NDUFAF6: variants seen among roughly 807,000 people sequenced by gnomAD.
The protein encoded by NDUFAF6 is NADH:ubiquinone oxidoreductase complex assembly factor 6.
Under a neutral mutation model 40.8 loss-of-function variants are expected in NDUFAF6, and 45 were observed. The observed-to-expected ratio is 1.10, with a 90% CI of 0.87 to 1.42. The LOEUF is 1.42. Ranked by LOEUF, NDUFAF6 falls within the 40% of genes most tolerant of loss-of-function variation. The pLI is 0.00. For missense variants in NDUFAF6, 435 were observed against 418.5 expected (o/e 1.04, Z -0.34); for synonymous variants, 185 against 155.9 (o/e 1.19, Z -1.39).
At chr8:94,958,522 CTTTTTTTTTTTTTTTTTTT>C (rs55703438) in intron 1 of NDUFAF6, among the ~76,000 whole-genome samples, 5 of 71,244 alleles carry the variant, frequency 7.0e-5, no homozygotes, top group South Asian at 5.5e-4. Context: ...TAGTCACATT[CTTTTTTTTTTTTTTTTTTT>C]TTTTTTTTTT....
chr8:95,040,673 A>G (rs1830045237), intron 3 of NDUFAF6: 1 of 152,230 alleles, frequency 6.6e-6, no homozygotes, highest in Non-Finnish European at 1.5e-5. Context: ...TTTACAGTTT[A>G]TAATTCACTC....
intron 1 of NDUFAF6, among the ~76,000 whole-genome samples, chr8:95,029,892 AT>A (rs201763201): frequency 6.0e-5 from 9 of 150,044 alleles, no homozygotes; most frequent in Admixed American, 6.7e-5. Flanking sequence ...TGACTTCCAG[AT>A]TTTTTTTTTG....
chr8:94,903,713 A>T (rs1166274556), intron 1 of NDUFAF6, among the ~76,000 whole-genome samples: 1 of 152,240 alleles, frequency 6.6e-6, no homozygotes. Context: ...TAAAATGTTA[A>T]TAGTTAATAA....
At chr8:94,896,550 G>C (rs904392950) in intron 1 of NDUFAF6, 1 of 152,222 alleles carries the variant, frequency 6.6e-6, no homozygotes, top group East Asian at 1.9e-4. Flanking sequence ...CGGGAACAAA[G>C]ATCCCCCGGG....
At chr8:95,013,197 G>A (rs1827297157) in intron 2 of NDUFAF6, among the ~76,000 whole-genome samples, 1 of 151,900 alleles carries the variant, frequency 6.6e-6, no homozygotes, top group Non-Finnish European at 1.5e-5. Context: ...AAACTCCTGG[G>A]CTCAATCCCC....
chr8:94,945,123 G>T (rs1821877575), intron 1 of NDUFAF6, among the ~76,000 whole-genome samples: 1 of 152,180 alleles, frequency 6.6e-6, no homozygotes, highest in South Asian at 2.1e-4. Context: ...AAACTTAAAA[G>T]CTGATAATTT....
intron 6 of NDUFAF6, among the ~76,000 whole-genome samples, chr8:95,047,973 C>G (rs557629441): frequency 6.6e-6 from 1 of 151,836 alleles, no homozygotes; most frequent in Admixed American, 6.6e-5. Flanking sequence ...TTGGGAGGGT[C>G]GCTTGAGTCC....
chr8:95,035,343 C>A, intron 2 of NDUFAF6, 111 bp from the exon 3 acceptor site: 1 of 1,106,274 alleles, frequency 9.0e-7, no homozygotes. Context: ...GTATTTATCA[C>A]CATAGTCATA....
rs71273438 is a variant in NDUFAF6, at chr8:94,946,696, C to CAAAAAAAAAAAAAAAAAAAAAA, written c.-799+1080_-799+1101dup. 3.7e-3 allele frequency among the ~76,000 whole-genome samples: 129 copies of CAAAAAAAAAAAAAAAAAAAAAA among 34,678 alleles called. 16 individuals are homozygous for CAAAAAAAAAAAAAAAAAAAAAA. The highest frequency in any genetic ancestry group is 8.3e-3 in the East Asian group (7 of 848). The allele number at this position is 34,678 out of a possible 152,430, so 22.8% of individuals were successfully genotyped here. ...TGGTCAACAGAGTAAGACCCTGTCT[C>CAAAAAAAAAAAAAAAAAAAAAA]AAAAAAAAAAAAAAAAAAAAAAAAG... On this transcript the variant is annotated intron_variant, in intron 2 of 14. Transcript: ENST00000396113.
Position 95,025,134 on chromosome 8 carries a change from T to A in NDUFAF6, c.126T>A (p.Ser42=). ...RMRRLPGPEV[S]GRSVAAASGP... ...GGCGGCTGCCCGGGCCGGAGGTGTC[T>A]GGGCGGAGCGTGGCTGCGGCCAGCG... is the stretch of plus-strand genomic sequence containing the variant. Residue 42 remains serine (S), a synonymous_variant, in exon 1 of 9, where the codon TCT becomes TCA. Transcript: ENST00000396124. 1 of 1,485,516 alleles carries A rather than the reference T, an allele frequency of 6.7e-7. No homozygotes were observed. The highest frequency in any genetic ancestry group is 8.9e-7 in the Non-Finnish European group (1 of 1,127,824). 92.0% of individuals were successfully genotyped at this position (1,485,516 alleles called of 1,614,324 possible). A position where few individuals can be genotyped will look rare whatever the true frequency, so the allele number is the denominator to read the frequency against.
At chr8:94,931,756 CCTTAAT>C (rs1820423685) in intron 1 of NDUFAF6, among the ~76,000 whole-genome samples, 2 of 152,010 alleles carry the variant, frequency 1.3e-5, no homozygotes, top group South Asian at 4.2e-4. Flanking sequence ...AGGTGGATCA[CCTTAAT>C]AGAGTTCAAG....
intron 9 of NDUFAF6, among the ~76,000 whole-genome samples, chr8:95,064,038 A>ATTTTTTT (rs1160777112): frequency 4.8e-5 from 5 of 104,808 alleles, no homozygotes; most frequent in Non-Finnish European, 7.8e-5. Context: ...CGCCTGGCTA[A>ATTTTTTT]TTTTTTTTTT....
At chr8:95,038,983 G>GTT (rs199846115) in intron 3 of NDUFAF6, among the ~76,000 whole-genome samples, 42 of 141,318 alleles carry the variant, frequency 3.0e-4, no homozygotes, top group Admixed American at 2.1e-4. Context: ...TTTTGTGTTT[G>GTT]TTTTTTTTTT....
intron 8 of NDUFAF6, 76 bp from the exon 9 acceptor site, chr8:95,057,733 A>G: frequency 8.7e-7 from 1 of 1,144,904 alleles, no homozygotes; most frequent in Non-Finnish European, 1.3e-6. Flanking sequence ...ACTTGTAATT[A>G]TTCTTTAGTT....
chr8:95,043,771 C>T (rs746677027), intron 4 of NDUFAF6, among the ~76,000 whole-genome samples: 2 of 152,164 alleles, frequency 1.3e-5, no homozygotes, highest in African/African-American at 4.8e-5. Flanking sequence ...TAAAACCTTT[C>T]GTACATTGCT....
upstream of NDUFAF6, among the ~76,000 whole-genome samples, chr8:94,955,154 C>G (rs115995306): frequency 7.1e-3 from 1,082 of 152,316 alleles, 6 homozygotes; most frequent in Non-Finnish European, 0.011. Flanking sequence ...ACATGTAGGT[C>G]TTTGGTAAGT....
In NDUFAF6 at chr8:94,933,382, AAAGAAGGAAGG is replaced by A. The variant is rs150093880; in HGVS notation, c.-935-12094_-935-12084del. On this transcript the variant is annotated intron_variant, in intron 1 of 14. Coordinates refer to the NDUFAF6 transcript ENST00000396113. ...ACTAGAAAACCATAACAACCTTGAA[AAAGAAGGAAGG>A]AAGAAGAAGGAAGAAAGAAGAAGAA... Among the ~76,000 whole-genome samples, 1,058 of 152,332 alleles carry A rather than the reference AAAGAAGGAAGG, an allele frequency of 6.9e-3. 4 individuals carry two copies. The highest frequency in any genetic ancestry group is 0.024 in the African/African-American group (1,007 of 41,554).
At chr8:94,949,462 C>CG (rs34043642) in intron 2 of NDUFAF6, 1 of 151,854 alleles carries the variant, frequency 6.6e-6, no homozygotes, top group East Asian at 1.9e-4. Flanking sequence ...ATCGGCGGTG[C>CG]GGGGGCCCCG....
intron 2 of NDUFAF6, among the ~76,000 whole-genome samples, chr8:95,019,038 GTC>G (rs1264188930): frequency 1.4e-4 from 22 of 152,188 alleles, no homozygotes; most frequent in Non-Finnish European, 2.5e-4. Flanking sequence ...TTGAGACAGA[GTC>G]TCGCTCTAGA....
Sources: allele counts gnomAD v4.1 joint callset (sites outside exome capture counted in the v4.1 genomes callset), GRCh38; gene constraint gnomAD v4.1.1; transcripts MANE v1.5; gene names NCBI Gene and HGNC (gene_info 2026-07-23, HGNC 2026-07-21).